The following CAPRIN2 variants were observed in gnomAD, a reference collection of about 807,000 sequenced individuals.
The protein encoded by CAPRIN2 is caprin-2.
Under a neutral mutation model 130.4 loss-of-function variants are expected in CAPRIN2, and 66 were observed. The ratio of observed to expected loss-of-function variants is 0.51; its 90% CI spans 0.42 to 0.62. CAPRIN2 has a LOEUF of 0.62. Among genes scored for constraint, CAPRIN2 ranks in the 20% least tolerant of loss-of-function variants. The pLI is 0.00. For missense variants in CAPRIN2, 1,185 were observed against 1,246.6 expected (o/e 0.95, Z 0.74); for synonymous variants, 471 against 444.1 (o/e 1.06, Z -0.76).
exon 12 of CAPRIN2, chr12:30,720,859 C>T (rs368031265): frequency 1.3e-4 from 212 of 1,613,622 alleles, no homozygotes; most frequent in Non-Finnish European, 1.2e-4. Context: ...CAGAAGAAGC[C>T]TGATCGGTAG....
At chr12:30,753,651 G>C (rs766621795) in exon 1 of CAPRIN2, 2 of 1,614,058 alleles carry the variant, frequency 1.2e-6, no homozygotes, top group African/African-American at 1.3e-5. Context: ...ATTAGGACTA[G>C]AGGGACACAG....
At chr12:30,743,961 G>A (rs1386738910) in intron 2 of CAPRIN2, among the ~76,000 whole-genome samples, 2 of 152,112 alleles carry the variant, frequency 1.3e-5, no homozygotes, top group African/African-American at 4.8e-5. Context: ...AGACACTGAT[G>A]TCTCCCAGGC....
At chr12:30,714,819 A>G in intron 14 of CAPRIN2, 140 bp downstream of exon 16, 1 of 586,204 alleles carries the variant, frequency 1.7e-6, no homozygotes, top group South Asian at 2.8e-5. Context: ...TATATTAAAA[A>G]TACTTTATTA....
Position 30,713,780 on chromosome 12 carries a change from C to T in CAPRIN2, c.2601+5G>A, listed in dbSNP as rs1285075273. The T allele has an allele frequency of 4.6e-6, 7 of 1,527,498 alleles. No individual in the cohort carries two copies. Among genetic ancestry groups the T allele is most frequent in the Non-Finnish European group, 6.4e-6 (7 of 1,102,266 alleles). The allele number at this position is 1,527,498 out of a possible 1,614,324, so 94.6% of individuals were successfully genotyped here. On this transcript the variant is annotated splice_donor_5th_base_variant and intron_variant, in intron 15 of 16. Coordinates refer to ENST00000298892, the Ensembl canonical transcript of CAPRIN2. ...TATTCAACTATGACAACTATTCTTA[C>T]TTACCCTTTGGGAATAAGGTGCTCC...
chr12:30,732,817 G>A lies in CAPRIN2; in HGVS notation c.892+812C>T, dbSNP rs140858515. Among the ~76,000 whole-genome samples the A allele has an allele frequency of 1.5e-3, 225 of 152,112 alleles. 1 individual carries two copies. The highest frequency in any genetic ancestry group is 5.2e-3 in the African/African-American group (216 of 41,522). On this transcript the variant is annotated intron_variant, in intron 5 of 16. Coordinates refer to ENST00000298892, the Ensembl canonical transcript of CAPRIN2. ...GAATAAAGCTAATATGAACATTCATGTACAAGTACTTATATGAACACGTCT... is the reference window on the plus strand; with the variant it reads ...GAATAAAGCTAATATGAACATTCATATACAAGTACTTATATGAACACGTCT...
intron 8 of CAPRIN2, among the ~76,000 whole-genome samples, chr12:30,728,089 CATGTT>C (rs1452757590): frequency 6.6e-6 from 1 of 152,116 alleles, no homozygotes; most frequent in Non-Finnish European, 1.5e-5. Context: ...ATTTTCATAT[CATGTT>C]ATATTGTTAA....
At position 30,714,956 on chromosome 12, in the gene CAPRIN2, T is replaced by C; in HGVS notation, c.2500+3A>G. ...GTATAATTCAATTTTATTCAGGGCA[T>C]ACCTTTATAACCACCAGGGGACCGA... is the stretch of plus-strand genomic sequence containing the variant. On this transcript the variant is annotated splice_donor_region_variant and intron_variant, in intron 14 of 16. Coordinates refer to ENST00000298892, the Ensembl canonical transcript of CAPRIN2. 6.2e-7 allele frequency: 1 copy of C among 1,611,350 alleles called. No homozygotes were observed. The highest frequency in any genetic ancestry group is 8.5e-7 in the Non-Finnish European group (1 of 1,177,628).
At chr12:30,712,733 C>CTTTTTTTTTTT (rs754373140) in intron 15 of CAPRIN2, among the ~76,000 whole-genome samples, 2 of 107,292 alleles carry the variant, frequency 1.9e-5, no homozygotes, top group Non-Finnish European at 3.6e-5. Context: ...GTTTTCCACT[C>CTTTTTTTTTTT]TTTTTTTTTT....
chr12:30,720,172 C>T (rs1017137759), intron 12 of CAPRIN2: 5 of 152,132 alleles, frequency 3.3e-5, no homozygotes, highest in Non-Finnish European at 1.5e-5. Context: ...CAACCCCCGC[C>T]TCCTGGGTTC....
At chr12:30,728,381 C>G in intron 8 of CAPRIN2, 1 of 314,256 alleles carries the variant, frequency 3.2e-6, no homozygotes. Context: ...AGTGAAACCC[C>G]GTCTCTACTA....
intron 1 of CAPRIN2, among the ~76,000 whole-genome samples, chr12:30,752,013 G>A (rs542445154): frequency 1.9e-4 from 29 of 150,130 alleles, no homozygotes; most frequent in African/African-American, 7.1e-4. Context: ...CCACCTCCTG[G>A]GTTCAAGCGA....
intron 11 of CAPRIN2, 139 bp downstream of exon 12, chr12:30,723,120 A>T (rs2059889898): frequency 3.2e-6 from 2 of 634,692 alleles, no homozygotes; most frequent in South Asian, 3.8e-5. Flanking sequence ...GTCGTATTTA[A>T]TCTACAAAAC....
intron 13 of CAPRIN2, 136 bp from the exon 16 acceptor site, chr12:30,715,277 T>G: frequency 2.9e-6 from 2 of 682,640 alleles, no homozygotes; most frequent in Non-Finnish European, 5.1e-6. Context: ...TATTCATGTA[T>G]ATAATTCATC....
chr12:30,747,394 T>C (rs534706048), intron 2 of CAPRIN2, among the ~76,000 whole-genome samples: 163 of 152,174 alleles, frequency 1.1e-3, no homozygotes, highest in Non-Finnish European at 1.9e-3. Flanking sequence ...AGAAATACAT[T>C]TGGCCGGGCG....
At chr12:30,709,722 T>C in exon 17 of CAPRIN2, 1 of 607,138 alleles carries the variant, frequency 1.6e-6, no homozygotes, top group Non-Finnish European at 2.8e-6. Flanking sequence ...GCCAGATTAG[T>C]GCTAATTGTC....
In CAPRIN2 at chr12:30,722,411, T is replaced by C. The variant is rs78118146; in HGVS notation, c.2043+848A>G. Among the ~76,000 whole-genome samples, 487 of 152,082 alleles carry C rather than the reference T, an allele frequency of 3.2e-3. 4 individuals are homozygous for C. Among genetic ancestry groups the C allele is most frequent in the East Asian group, 0.013 (66 of 5,182 alleles). The stretch of plus-strand genomic sequence containing the variant: ...GACATATAAAGTGGGATGGCTTCGA[T>C]GCAGCCATCCCACAGCCTCCACCAG... On this transcript the variant is annotated intron_variant, in intron 11 of 16. Transcript: ENST00000298892.
chr12:30,729,539 G>C (rs1412026358), intron 7 of CAPRIN2, among the ~76,000 whole-genome samples: 1 of 152,102 alleles, frequency 6.6e-6, no homozygotes, highest in Non-Finnish European at 1.5e-5. Flanking sequence ...CAGAAATACA[G>C]ACTTCGATAC....
exon 15 of CAPRIN2, chr12:30,713,868 C>T: frequency 6.3e-7 from 1 of 1,599,450 alleles, no homozygotes; most frequent in South Asian, 1.1e-5. Context: ...GAAGGGAGTC[C>T]TCTATAAGTA....
chr12:30,750,239 T>C (rs765485869), intron 2 of CAPRIN2, among the ~76,000 whole-genome samples: 3 of 152,182 alleles, frequency 2.0e-5, no homozygotes, highest in Non-Finnish European at 4.4e-5. Context: ...GGAGTCACTA[T>C]GGAATGGGAA....
Sources: allele counts gnomAD v4.1 joint callset (sites outside exome capture counted in the v4.1 genomes callset), GRCh38; gene constraint gnomAD v4.1.1; transcripts MANE v1.5; gene names NCBI Gene and HGNC (gene_info 2026-07-23, HGNC 2026-07-21).